Variants in BNC2 observed in about 807,000 individuals in gnomAD.
BNC2 encodes the protein basonuclin zinc finger protein 2, also known as zinc finger protein basonuclin-2.
A neutral mutation model predicts 76.3 loss-of-function variants in BNC2; 20 were observed. The ratio of observed to expected loss-of-function variants is 0.26; its 90% CI spans 0.18 to 0.38. The LOEUF is 0.38. Ranked by LOEUF, BNC2 falls within the 10% of genes least tolerant of loss-of-function variation. The pLI is 1.00. For synonymous variants in BNC2, 582 were observed against 514.8 expected (o/e 1.13, Z -1.77); for missense variants, 1,382 against 1,399.8 (o/e 0.99, Z 0.20).
At chr9:16,496,448 T>C (rs7869815) in intron 5 of BNC2, among the ~76,000 whole-genome samples, 14,482 of 152,096 alleles carry the variant, frequency 0.095, 1,981 homozygotes, top group African/African-American at 0.31. Flanking sequence ...CAATGACAAA[T>C]ATTCAGAAGA....
At chr9:16,676,037 C>A (rs1264215588) in intron 3 of BNC2, among the ~76,000 whole-genome samples, 1 of 152,066 alleles carries the variant, frequency 6.6e-6, no homozygotes, top group Non-Finnish European at 1.5e-5. Context: ...TGCGCTCCAG[C>A]CTGGGTGACA....
intron 3 of BNC2, among the ~76,000 whole-genome samples, chr9:16,611,766 A>G (rs1358010198): frequency 6.6e-6 from 1 of 152,208 alleles, no homozygotes; most frequent in Non-Finnish European, 1.5e-5. Flanking sequence ...ATTCTCTGGA[A>G]TAATGATTAA....
At position 16,419,319 on chromosome 9, in the gene BNC2, G is replaced by A. The variant is rs771686515; in HGVS notation, c.2970C>T (p.Leu990=). Residue 990 remains leucine, a synonymous_variant, in exon 7 of 7, where the codon CTC becomes CTT. Transcript: ENST00000380672. ...SDAGSDEGIL[L]DDIDGASDSG... ...TGTCACTCGCCCCGTCAATGTCATC[G>A]AGAAGAATCCCCTCATCGCTGCCTG... 16 of 1,613,372 alleles carry A rather than the reference G, an allele frequency of 9.9e-6. No homozygotes were observed. The highest frequency in any genetic ancestry group is 1.7e-5 in the Admixed American group (1 of 59,966).
chr9:16,623,045 A>G (rs1820905838), intron 3 of BNC2, among the ~76,000 whole-genome samples: 1 of 152,192 alleles, frequency 6.6e-6, no homozygotes, highest in Non-Finnish European at 1.5e-5. Flanking sequence ...AGAAGATTAA[A>G]TGCAAGTCAG....
intron 1 of BNC2, among the ~76,000 whole-genome samples, chr9:16,862,966 G>T (rs556307115): frequency 6.6e-6 from 1 of 151,102 alleles, no homozygotes; most frequent in South Asian, 2.1e-4. Flanking sequence ...TCAGGCTAGA[G>T]TGCAGTGGCG....
intron 2 of BNC2, among the ~76,000 whole-genome samples, chr9:16,733,029 A>C (rs1216898304): frequency 6.6e-6 from 1 of 152,226 alleles, no homozygotes; most frequent in Non-Finnish European, 1.5e-5. Flanking sequence ...CCATGTAAAA[A>C]TAATGCTGAA....
intron 3 of BNC2, among the ~76,000 whole-genome samples, chr9:16,723,796 C>T (rs1377722514): frequency 3.9e-5 from 6 of 151,960 alleles, no homozygotes; most frequent in Non-Finnish European, 2.9e-5. Flanking sequence ...TCTTGGTTTG[C>T]CCCTCACCTA....
At chr9:16,867,589 T>C (rs1819573612) in intron 1 of BNC2, 1 of 152,116 alleles carries the variant, frequency 6.6e-6, no homozygotes, top group Non-Finnish European at 1.5e-5. Flanking sequence ...AACTGTAAAA[T>C]TAAAAGTAAA....
chr9:16,449,825 A>C (rs1239785498), intron 5 of BNC2, among the ~76,000 whole-genome samples: 1 of 128,662 alleles, frequency 7.8e-6, no homozygotes, highest in Non-Finnish European at 1.6e-5. Flanking sequence ...AATGGGAATA[A>C]AAGTTAAAGG....
At chr9:16,585,310 C>A (rs1481366362) in intron 3 of BNC2, among the ~76,000 whole-genome samples, 1 of 152,112 alleles carries the variant, frequency 6.6e-6, no homozygotes, top group Non-Finnish European at 1.5e-5. Flanking sequence ...AATAACTTTA[C>A]ACATTTGGTA....
At chr9:16,430,776 G>A (rs930137991) in intron 6 of BNC2, among the ~76,000 whole-genome samples, 3 of 152,178 alleles carry the variant, frequency 2.0e-5, no homozygotes, top group Non-Finnish European at 2.9e-5. Context: ...ACATCAGCAG[G>A]TTTTAATACA....
At chr9:16,520,421 A>C (rs1390217107) in intron 5 of BNC2, among the ~76,000 whole-genome samples, 4 of 152,188 alleles carry the variant, frequency 2.6e-5, no homozygotes, top group Admixed American at 2.0e-4. Flanking sequence ...ATCGAGAAGG[A>C]AAGGAACTGG....
At chr9:16,587,209 T>TC (rs534204252) in intron 3 of BNC2, among the ~76,000 whole-genome samples, 39 of 151,420 alleles carry the variant, frequency 2.6e-4, no homozygotes, top group African/African-American at 5.3e-4. Context: ...CTTTTTTTTT[T>TC]TTTTTTCCTT....
chr9:16,709,732 ACGTT>A (rs1389719365), intron 3 of BNC2, among the ~76,000 whole-genome samples: 4 of 152,214 alleles, frequency 2.6e-5, no homozygotes, highest in East Asian at 1.9e-4. Flanking sequence ...GGGAAAGACT[ACGTT>A]AGTAAGTTTT....
At chr9:16,615,761 G>A (rs564465170) in intron 3 of BNC2, among the ~76,000 whole-genome samples, 1 of 152,182 alleles carries the variant, frequency 6.6e-6, no homozygotes, top group East Asian at 1.9e-4. Context: ...TACAGAGTTA[G>A]CAGCCAAGAA....
chr9:16,865,093 T>C (rs753903653), intron 1 of BNC2, among the ~76,000 whole-genome samples: 1 of 147,898 alleles, frequency 6.8e-6, no homozygotes, highest in Non-Finnish European at 1.5e-5. Flanking sequence ...CTTTGGCAAA[T>C]GTAAGGTCAT....
At chr9:16,616,381 G>A (rs1015666220) in intron 3 of BNC2, among the ~76,000 whole-genome samples, 3 of 151,062 alleles carry the variant, frequency 2.0e-5, no homozygotes, top group African/African-American at 7.3e-5. Flanking sequence ...GACGGAGAGA[G>A]ACCCTGTCTC....
At position 16,665,470 on chromosome 9, in the gene BNC2, GAAAGAAAGAAAGAA is replaced by G. The variant is rs1563888015; in HGVS notation, c.330+62313_330+62326del. On this transcript the variant is annotated intron_variant, in intron 3 of 6. Coordinates refer to ENST00000380672, the MANE Select transcript of BNC2 (RefSeq NM_017637.6). Reference sequence around the variant, plus strand: ...AGAAAGAAAGAAAGAAAGAAAGAAAGAAAGAAAGAAAGAAAGAAAGAGAGAGAGAGAAATCACAG... The same window carrying G: ...AGAAAGAAAGAAAGAAAGAAAGAAAGAGAAAGAGAGAGAGAGAAATCACAG... 7.4e-3 allele frequency among the ~76,000 whole-genome samples: 1,054 copies of G among 143,040 alleles called. 16 individuals are homozygous for G. The highest frequency in any genetic ancestry group is 0.025 in the African/African-American group (966 of 37,966). The allele number at this position is 143,040 out of a possible 152,430, so 93.8% of individuals were successfully genotyped here.
At position 16,594,337 on chromosome 9, in the gene BNC2, A is replaced by C. The variant is rs748603638; in HGVS notation, c.331-11252T>G. ...GTGCCAAATATAACACCTCATCCTA[A>C]GTCAGTATCTTTCCCTTCCCAGATG... On this transcript the variant is annotated intron_variant, in intron 3 of 6. Coordinates refer to ENST00000380672, the MANE Select transcript of BNC2 (RefSeq NM_017637.6). Among the ~76,000 whole-genome samples the C allele has an allele frequency of 1.8e-4, 28 of 152,282 alleles. No homozygotes were observed. The South Asian group carries it at 2.1e-3, about 11-fold the overall frequency.
Sources: allele counts gnomAD v4.1 joint callset (sites outside exome capture counted in the v4.1 genomes callset), GRCh38; gene constraint gnomAD v4.1.1; transcripts MANE v1.5; gene names NCBI Gene and HGNC (gene_info 2026-07-23, HGNC 2026-07-21).